HPSE2: variants seen among roughly 807,000 people sequenced by gnomAD.
The protein encoded by HPSE2 is inactive heparanase-2.
A neutral mutation model predicts 60.5 loss-of-function variants in HPSE2; 38 were observed. The ratio of observed to expected loss-of-function variants is 0.63; its 90% CI spans 0.48 to 0.82. The LOEUF (loss-of-function observed/expected upper bound fraction) is 0.82, where lower values mean the gene tolerates loss of function less well. Among genes scored for constraint, HPSE2 ranks in the 40% least tolerant of loss-of-function variants. The pLI is 0.00. For missense variants in HPSE2, 713 were observed against 740.4 expected, an observed-to-expected ratio of 0.96 and a Z score of 0.43; for synonymous variants, 295 against 293.2, an observed-to-expected ratio of 1.01 and a Z score of -0.06.
intron 3 of HPSE2, among the ~76,000 whole-genome samples, chr10:98,910,495 T>G (rs983823146): frequency 3.9e-5 from 6 of 152,186 alleles, no homozygotes; most frequent in Admixed American, 3.3e-4. Flanking sequence ...TGCATATGTT[T>G]TATGTATTTT....
the HPSE2 span, among the ~76,000 whole-genome samples, chr10:99,275,771 C>G: frequency 6.6e-6 from 1 of 152,126 alleles, no homozygotes; most frequent in East Asian, 1.9e-4. Flanking sequence ...GTAGTGTTTC[C>G]CCTAAGGCAG....
In HPSE2 at chr10:98,641,874, G is replaced by A. The variant is rs377253454; in HGVS notation, c.1071C>T (p.Leu357=). 3.7e-6 allele frequency: 6 copies of A among 1,613,542 alleles called. No homozygotes were observed. In the African/African-American group the frequency reaches 4.0e-5, roughly 11 times the overall value. ...TCTGAATTTTCCTAATCTGGTCAGA[G>A]AGTGTGTCTAACAGGCGAGTTTTCA... ...DFLKTRLLDT[L]SDQIRKIQKV... The change falls in exon 7 of 12, where the codon CTC becomes CTT. Residue 357 remains leucine (L), a synonymous_variant. Coordinates refer to ENST00000370552, the MANE Select transcript of HPSE2 (RefSeq NM_021828.5).
At chr10:98,988,033 T>C (rs1459160260) in intron 3 of HPSE2, among the ~76,000 whole-genome samples, 1 of 152,168 alleles carries the variant, frequency 6.6e-6, no homozygotes, top group Admixed American at 6.5e-5. Context: ...TGCTCATGGA[T>C]AGGAAGAATC....
At chr10:98,717,494 G>A (rs1222416062) in intron 5 of HPSE2, among the ~76,000 whole-genome samples, 4 of 152,080 alleles carry the variant, frequency 2.6e-5, no homozygotes, top group African/African-American at 9.7e-5. Flanking sequence ...TGAGAGACAT[G>A]TAAGTCTTTC....
intron 1 of HPSE2, among the ~76,000 whole-genome samples, chr10:99,234,530 C>A (rs948087320): frequency 6.6e-6 from 1 of 152,180 alleles, no homozygotes; most frequent in African/African-American, 2.4e-5. Context: ...CACTTGGATT[C>A]GACATTGCAG....
At chr10:99,188,622 T>G (rs577353172) in intron 2 of HPSE2, among the ~76,000 whole-genome samples, 57 of 152,244 alleles carry the variant, frequency 3.7e-4, no homozygotes, top group African/African-American at 1.3e-3. Flanking sequence ...GGCTATCATC[T>G]CCTAGTTCTT....
intron 9 of HPSE2, among the ~76,000 whole-genome samples, chr10:98,607,382 T>C (rs1313127267): frequency 6.6e-6 from 1 of 151,986 alleles, no homozygotes; most frequent in Non-Finnish European, 1.5e-5. Context: ...GATGGCAGAG[T>C]GGGATTTTCA....
chr10:98,874,461 G>A (rs570613685), intron 3 of HPSE2, among the ~76,000 whole-genome samples: 1 of 152,050 alleles, frequency 6.6e-6, no homozygotes, highest in Non-Finnish European at 1.5e-5. Context: ...CATTGATTTT[G>A]TATCCTGAGA....
At chr10:98,898,820 A>G (rs1953574472) in intron 3 of HPSE2, among the ~76,000 whole-genome samples, 1 of 152,208 alleles carries the variant, frequency 6.6e-6, no homozygotes, top group African/African-American at 2.4e-5. Context: ...ATGGAAAACA[A>G]TAGAGTCCAG....
intron 3 of HPSE2, among the ~76,000 whole-genome samples, chr10:99,132,688 C>T (rs1335571072): frequency 1.3e-5 from 2 of 152,112 alleles, no homozygotes; most frequent in Non-Finnish European, 2.9e-5. Flanking sequence ...GGGACTGAGC[C>T]TGAGGAACTC....
At chr10:98,788,903 T>C (rs1477007716) in intron 3 of HPSE2, among the ~76,000 whole-genome samples, 1 of 152,128 alleles carries the variant, frequency 6.6e-6, no homozygotes, top group African/African-American at 2.4e-5. Flanking sequence ...ATCACCCGTC[T>C]TCTGCGTCGC....
At chr10:98,937,854 G>A (rs1263501242) in intron 3 of HPSE2, among the ~76,000 whole-genome samples, 1 of 143,074 alleles carries the variant, frequency 7.0e-6, no homozygotes, top group African/African-American at 2.9e-5. Flanking sequence ...GGGGCAGACT[G>A]ACACCTCACA....
intron 9 of HPSE2, among the ~76,000 whole-genome samples, chr10:98,544,973 T>C (rs1943616488): frequency 6.6e-6 from 1 of 151,622 alleles, no homozygotes; most frequent in Non-Finnish European, 1.5e-5. Context: ...AAAGGGGATA[T>C]CACCACCAAC....
At chr10:98,854,078 T>A (rs1308500316) in intron 3 of HPSE2, among the ~76,000 whole-genome samples, 1 of 152,170 alleles carries the variant, frequency 6.6e-6, no homozygotes, top group Non-Finnish European at 1.5e-5. Context: ...TCTTTTCCAT[T>A]ACTCTGGGAA....
intron 9 of HPSE2, among the ~76,000 whole-genome samples, chr10:98,520,584 G>T (rs955756309): frequency 1.3e-5 from 2 of 152,166 alleles, no homozygotes; most frequent in African/African-American, 4.8e-5. Flanking sequence ...GCTTCGAGGC[G>T]CAAAGTAAGA....
intron 3 of HPSE2, among the ~76,000 whole-genome samples, chr10:98,841,897 C>A (rs1000061412): frequency 2.6e-5 from 4 of 151,914 alleles, no homozygotes; most frequent in Admixed American, 2.6e-4. Context: ...ACTTCTGCCT[C>A]CCGGGTTCAA....
intron 3 of HPSE2, among the ~76,000 whole-genome samples, chr10:98,817,136 G>C (rs1197494659): frequency 6.6e-6 from 1 of 152,096 alleles, no homozygotes; most frequent in Non-Finnish European, 1.5e-5. Flanking sequence ...GCCCACAAAG[G>C]CTTTTAGCCT....
intron 3 of HPSE2, among the ~76,000 whole-genome samples, chr10:99,005,458 C>A (rs1956870003): frequency 6.6e-6 from 1 of 152,066 alleles, no homozygotes; most frequent in Non-Finnish European, 1.5e-5. Flanking sequence ...GCATTTTTCA[C>A]TTCATTCATT....
At chr10:98,707,924 G>A (rs1948587508) in intron 5 of HPSE2, among the ~76,000 whole-genome samples, 1 of 152,068 alleles carries the variant, frequency 6.6e-6, no homozygotes, top group Non-Finnish European at 1.5e-5. Context: ...ATATTATCAT[G>A]AAATTTGTAA....
Sources: allele counts gnomAD v4.1 joint callset (sites outside exome capture counted in the v4.1 genomes callset), GRCh38; gene constraint gnomAD v4.1.1; transcripts MANE v1.5; gene names NCBI Gene and HGNC (gene_info 2026-07-23, HGNC 2026-07-21).